Variants in GLIS3 observed in about 807,000 individuals in gnomAD.
GLIS3 encodes GLIS family zinc finger 3, also known as zinc finger protein GLIS3.
A neutral mutation model predicts 78.6 loss-of-function variants in GLIS3; 53 were observed. The ratio of observed to expected loss-of-function variants is 0.67; its 90% confidence interval spans 0.54 to 0.85. The LOEUF is 0.85. Ranked by LOEUF, GLIS3 falls within the 40% of genes least tolerant of loss-of-function variation. GLIS3 has a pLI of 0.00. For synonymous variants in GLIS3, 684 were observed against 509.9 expected (o/e 1.34, Z -4.60); for missense variants, 1,703 against 1,231.1 (o/e 1.38, Z -5.74).
intron 2 of GLIS3, among the ~76,000 whole-genome samples, chr9:4,340,985 T>C (rs1817826556): frequency 6.6e-6 from 1 of 152,194 alleles, no homozygotes; most frequent in South Asian, 2.1e-4. Flanking sequence ...CCTCACCTGA[T>C]ATTTTAGCAA....
At chr9:4,111,672 A>G (rs1304417924) in intron 4 of GLIS3, among the ~76,000 whole-genome samples, 4 of 152,268 alleles carry the variant, frequency 2.6e-5, no homozygotes, top group African/African-American at 9.6e-5. Flanking sequence ...ACTATGTTGA[A>G]CATGTGCTTA....
intron 2 of GLIS3, among the ~76,000 whole-genome samples, chr9:4,281,067 T>C (rs1252555848): frequency 1.3e-5 from 2 of 152,222 alleles, no homozygotes; most frequent in Non-Finnish European, 2.9e-5. Flanking sequence ...ATGTATGTAC[T>C]AACAGCTTAT....
At chr9:3,863,503 A>T (rs1026237445) in intron 8 of GLIS3, among the ~76,000 whole-genome samples, 1 of 152,204 alleles carries the variant, frequency 6.6e-6, no homozygotes, top group Non-Finnish European at 1.5e-5. Flanking sequence ...CCAAGAGCCT[A>T]ATCTGTCCCC....
intron 4 of GLIS3, among the ~76,000 whole-genome samples, chr9:4,116,617 C>T (rs1284597677): frequency 6.6e-6 from 1 of 152,174 alleles, no homozygotes; most frequent in Non-Finnish European, 1.5e-5. Context: ...GAATAAGAAA[C>T]CTTGGCCAAT....
At chr9:4,173,864 G>A (rs990685373) in intron 2 of GLIS3, among the ~76,000 whole-genome samples, 3 of 151,010 alleles carry the variant, frequency 2.0e-5, no homozygotes. Context: ...TTATGTTCTT[G>A]GGCCTTTAGC....
At chr9:4,194,362 C>T (rs960582046) in intron 2 of GLIS3, among the ~76,000 whole-genome samples, 1 of 152,076 alleles carries the variant, frequency 6.6e-6, no homozygotes, top group East Asian at 1.9e-4. Flanking sequence ...ACCTGGCCTG[C>T]CACTTTATTT....
chr9:4,179,052 A>T (rs1277360168), intron 2 of GLIS3, among the ~76,000 whole-genome samples: 1 of 152,226 alleles, frequency 6.6e-6, no homozygotes, highest in African/African-American at 2.4e-5. Context: ...AATCACAAAA[A>T]GTCACACTTC....
intron 4 of GLIS3, among the ~76,000 whole-genome samples, chr9:4,008,270 T>G (rs1351098183): frequency 1.3e-5 from 2 of 152,046 alleles, no homozygotes; most frequent in East Asian, 3.9e-4. Flanking sequence ...AAAATTATAT[T>G]TGTTTAGTGG....
At chr9:4,156,820 C>CT (rs1259892846) in intron 2 of GLIS3, among the ~76,000 whole-genome samples, 1 of 151,994 alleles carries the variant, frequency 6.6e-6, no homozygotes, top group Non-Finnish European at 1.5e-5. Flanking sequence ...ATAAGAGTGT[C>CT]TCTGAAAAAA....
the GLIS3 span, among the ~76,000 whole-genome samples, chr9:4,474,292 G>C: frequency 6.0e-4 from 91 of 152,308 alleles, no homozygotes; most frequent in Admixed American, 1.5e-3. Flanking sequence ...GATTGCTTGA[G>C]CTCAGAAGTT....
chr9:3,829,204 T>C, intron 10 of GLIS3, 106 bp downstream of exon 10: 1 of 910,742 alleles, frequency 1.1e-6, no homozygotes, highest in Non-Finnish European at 1.8e-6. Context: ...CAGGATTTGA[T>C]GCGGTCATGT....
At chr9:4,045,955 G>C (rs1003847926) in intron 4 of GLIS3, among the ~76,000 whole-genome samples, 1 of 152,094 alleles carries the variant, frequency 6.6e-6, no homozygotes, top group Admixed American at 6.6e-5. Flanking sequence ...GATCGGGGGG[G>C]AAATCATAAA....
At chr9:4,242,555 G>C (rs938588193) in intron 2 of GLIS3, among the ~76,000 whole-genome samples, 1 of 152,140 alleles carries the variant, frequency 6.6e-6, no homozygotes, top group African/African-American at 2.4e-5. Flanking sequence ...GGCTGAGGGA[G>C]GTTGTCTCAC....
the GLIS3 span, among the ~76,000 whole-genome samples, chr9:4,389,095 A>C: frequency 1.3e-5 from 2 of 152,212 alleles, no homozygotes; most frequent in African/African-American, 4.8e-5. Context: ...CCCAGCAGCT[A>C]CTGAGTACCT....
At chr9:3,979,853 C>G (rs533760592) in intron 4 of GLIS3, among the ~76,000 whole-genome samples, 1 of 152,276 alleles carries the variant, frequency 6.6e-6, no homozygotes, top group African/African-American at 2.4e-5. Flanking sequence ...AGGGATACAA[C>G]AGAGAACACA....
chr9:4,439,198 C>T, the GLIS3 span, among the ~76,000 whole-genome samples: 1 of 152,070 alleles, frequency 6.6e-6, no homozygotes, highest in African/African-American at 2.4e-5. Context: ...TTTTGTATTC[C>T]AAAAGCCATA....
At chr9:4,111,779 A>C (rs1263579655) in intron 4 of GLIS3, among the ~76,000 whole-genome samples, 1 of 152,236 alleles carries the variant, frequency 6.6e-6, no homozygotes, top group Non-Finnish European at 1.5e-5. Flanking sequence ...TGCTTTTAAT[A>C]TCTGACAGAC....
intron 2 of GLIS3, among the ~76,000 whole-genome samples, chr9:4,315,921 T>A (rs1428100187): frequency 6.6e-6 from 1 of 152,218 alleles, no homozygotes; most frequent in Non-Finnish European, 1.5e-5. Context: ...CTTGGGATGC[T>A]GTTGCCCTGA....
intron 2 of GLIS3, among the ~76,000 whole-genome samples, chr9:4,258,167 C>G (rs905864152): frequency 3.3e-5 from 5 of 151,912 alleles, no homozygotes; most frequent in Admixed American, 3.3e-4. Context: ...AAAAAAAATA[C>G]GTCTTTTTTG....
Sources: allele counts gnomAD v4.1 joint callset (sites outside exome capture counted in the v4.1 genomes callset), GRCh38; gene constraint gnomAD v4.1.1; transcripts MANE v1.5; gene names NCBI Gene and HGNC (gene_info 2026-07-23, HGNC 2026-07-21).